The following ACO2 variants were observed in gnomAD, a reference collection of about 807,000 sequenced individuals.
ACO2 encodes aconitase 2.
In ACO2, 31 loss-of-function variants were observed where a neutral mutation model predicts 84.5. The observed-to-expected ratio is 0.37, with a 90% CI of 0.28 to 0.50. ACO2 has a LOEUF of 0.50. ACO2 is among the 20% of genes least tolerant of loss of function. ACO2 has a pLI of 0.97. For synonymous variants in ACO2, 414 were observed against 412.7 expected (o/e 1.00, Z -0.04); for missense variants, 685 against 1,029.3 (o/e 0.67, Z 4.58).
intron 3 of ACO2, among the ~76,000 whole-genome samples, chr22:41,509,317 A>G (rs1288432998): frequency 2.0e-5 from 3 of 152,166 alleles, no homozygotes; most frequent in African/African-American, 7.2e-5. Context: ...CAAATTGAAC[A>G]TTCTTTATGT....
chr22:41,487,247 C>T (rs904560462), intron 1 of ACO2, among the ~76,000 whole-genome samples: 8 of 152,184 alleles, frequency 5.3e-5, no homozygotes, highest in African/African-American at 1.9e-4. Flanking sequence ...TGCCAAATTC[C>T]CTGGACTCCT....
rs765489176 is a variant in ACO2 at position 41,515,808 on chromosome 22, C to T, written c.726C>T (p.Ser242=). 4 of 1,614,162 alleles carry T rather than the reference C, an allele frequency of 2.5e-6. No homozygotes were observed. Among genetic ancestry groups the T allele is most frequent in the Non-Finnish European group, 3.4e-6 (4 of 1,180,034 alleles). The change falls in exon 6 of 18, where the codon TCC becomes TCT. Residue 242 remains serine, a synonymous_variant. Transcript: ENST00000216254. This position sits in a 1 kb window ranked among gnomAD's most constrained non-coding sequence, Gnocchi z 5.8. The part of the protein sequence containing the change: ...VKLTGSLSGW[S]SPKDVILKVA... Reference sequence around the variant, plus strand: ...TGACGGGCTCTCTCTCCGGTTGGTCCTCACCCAAAGATGTGATCCTGAAGG... The same window carrying T: ...TGACGGGCTCTCTCTCCGGTTGGTCTTCACCCAAAGATGTGATCCTGAAGG...
chr22:41,525,809 G>T (rs2066581652), intron 14 of ACO2: 1 of 205,036 alleles, frequency 4.9e-6, no homozygotes, highest in African/African-American at 2.3e-5. Context: ...TTTTTGGTGT[G>T]GCCAGAGGCC....
At chr22:41,513,152 G>A (rs1335203728) in intron 4 of ACO2, among the ~76,000 whole-genome samples, 2 of 152,208 alleles carry the variant, frequency 1.3e-5, no homozygotes, top group African/African-American at 2.4e-5. Context: ...GCAGGGTTAG[G>A]GAGTCAGGTG....
chr22:41,525,069 T>C (rs989887702), intron 13 of ACO2, 101 bp downstream of exon 13: 2 of 1,603,388 alleles, frequency 1.2e-6, no homozygotes, highest in African/African-American at 1.3e-5. Flanking sequence ...GCGCTGCTAG[T>C]GAGAAGGAAG....
intron 1 of ACO2, among the ~76,000 whole-genome samples, chr22:41,479,999 G>A (rs551436583): frequency 1.3e-5 from 2 of 152,304 alleles, no homozygotes; most frequent in African/African-American, 4.8e-5. Context: ...CTCTGAAAAG[G>A]ACTGCATCAC....
At chr22:41,509,339 G>A (rs997338013) in intron 3 of ACO2, among the ~76,000 whole-genome samples, 3 of 152,136 alleles carry the variant, frequency 2.0e-5, no homozygotes, top group Non-Finnish European at 2.9e-5. Context: ...CCAGGCACTG[G>A]GCTAGGTACT....
chr22:41,518,399 A>G (rs2066492595), intron 7 of ACO2, 82 bp from the exon 8 acceptor site: 1 of 1,047,144 alleles, frequency 9.5e-7, no homozygotes, highest in African/African-American at 1.6e-5. Flanking sequence ...GGTGTTTGGC[A>G]GGTGCTCAGG....
chr22:41,480,856 C>G lies in ACO2; in HGVS notation c.36+11674C>G, dbSNP rs530861866. Among the ~76,000 whole-genome samples the G allele has an allele frequency of 2.6e-5, 4 of 152,272 alleles. No individual in the cohort carries two copies. The East Asian group carries it at 5.8e-4, about 22-fold the overall frequency. On this transcript the variant is annotated intron_variant, in intron 1 of 17. Transcript: ENST00000216254. ...TCCGAGATGGAGTCTTGCTCTGTCACCCAGGCTGCAGTACAGTGGCTCGAT... is the reference window on the plus strand; with the variant it reads ...TCCGAGATGGAGTCTTGCTCTGTCAGCCAGGCTGCAGTACAGTGGCTCGAT...
At chr22:41,470,097 A>G (rs1314442520) in intron 1 of ACO2, among the ~76,000 whole-genome samples, 1 of 152,230 alleles carries the variant, frequency 6.6e-6, no homozygotes, top group East Asian at 1.9e-4. Context: ...CTCCCCTGTT[A>G]GGAGCTATCT....
intron 1 of ACO2, among the ~76,000 whole-genome samples, chr22:41,484,909 T>C (rs947781935): frequency 6.8e-6 from 1 of 147,828 alleles, no homozygotes; most frequent in African/African-American, 2.5e-5. Flanking sequence ...AGTTTCACTC[T>C]TGTTGCCCAG....
At chr22:41,503,953 C>T (rs1158355103) in intron 2 of ACO2, among the ~76,000 whole-genome samples, 1 of 152,214 alleles carries the variant, frequency 6.6e-6, no homozygotes, top group Non-Finnish European at 1.5e-5. Context: ...GTAGCCCACG[C>T]CTGTAATCCC....
chr22:41,527,146 G>A, intron 15 of ACO2, 142 bp from the exon 16 acceptor site: 2 of 1,254,834 alleles, frequency 1.6e-6, no homozygotes, highest in Non-Finnish European at 2.2e-6. Context: ...TAGGCAGCAG[G>A]CGAGGAAGGG....
intron 9 of ACO2, 110 bp from the exon 10 acceptor site, chr22:41,522,720 A>G: frequency 7.8e-7 from 1 of 1,278,708 alleles, no homozygotes; most frequent in Non-Finnish European, 1.1e-6. Flanking sequence ...TCTCTGGCCC[A>G]GCCCAGATGG....
chr22:41,528,949 G>C lies in ACO2; in HGVS notation c.*336G>C, dbSNP rs2066663754. ...GGATTCTAGAGAACCTTTTGTTCTTGCAAGGAAAACAAGAATCCAAAACCA... is the reference window on the plus strand; with the variant it reads ...GGATTCTAGAGAACCTTTTGTTCTTCCAAGGAAAACAAGAATCCAAAACCA... On this transcript the variant is annotated 3_prime_UTR_variant, in exon 18 of 18. Coordinates refer to ENST00000216254, the MANE Select transcript of ACO2 (RefSeq NM_001098.3). 3 of 511,644 alleles carry C rather than the reference G, an allele frequency of 5.9e-6. No individual in the cohort carries two copies. Among genetic ancestry groups the C allele is most frequent in the Admixed American group, 3.7e-5 (1 of 26,924 alleles). 31.7% of individuals were successfully genotyped at this position (511,644 alleles called of 1,614,324 possible). A position where few individuals can be genotyped will look rare whatever the true frequency, so the allele number is the denominator to read the frequency against.
chr22:41,497,378 C>CACAAATAA (rs199556593), intron 1 of ACO2, among the ~76,000 whole-genome samples: 1,774 of 152,144 alleles, frequency 0.012, 38 homozygotes, highest in African/African-American at 0.041. Context: ...CTCTTGCTGT[C>CACAAATAA]ATTTCTTTGG....
intron 14 of ACO2, chr22:41,525,993 T>G: frequency 2.5e-6 from 1 of 397,924 alleles, no homozygotes; most frequent in Non-Finnish European, 4.6e-6. Flanking sequence ...TGAGCGAACA[T>G]TGACCTGTCC....
chr22:41,523,666 C>T (rs2066546272), intron 11 of ACO2, among the ~76,000 whole-genome samples, 164 bp from the exon 12 acceptor site: 1 of 152,214 alleles, frequency 6.6e-6, no homozygotes, highest in African/African-American at 2.4e-5. Context: ...TTCCCTTCTG[C>T]TCTGCGCGTG....
chr22:41,513,262 CA>C (rs1455772853), intron 4 of ACO2, among the ~76,000 whole-genome samples: 7 of 152,188 alleles, frequency 4.6e-5, no homozygotes, highest in Non-Finnish European at 5.9e-5. Context: ...GCTCCTGGGC[CA>C]AAGTTTGGAG....
Sources: gnomAD v4.1 joint callset for allele counts (sites outside exome capture counted in the v4.1 genomes callset) on GRCh38, gnomAD v4.1.1 for gene constraint, Gnocchi (gnomAD v3.1) non-coding constraint, MANE v1.5 for transcripts, NCBI Gene and HGNC (gene_info 2026-07-23, HGNC 2026-07-21) for gene names.